Variants in TESK2 observed in about 807,000 individuals in gnomAD.
TESK2 encodes the protein testis associated actin remodelling kinase 2.
Under a neutral mutation model 57.1 loss-of-function variants are expected in TESK2, and 39 were observed. The ratio of observed to expected loss-of-function variants is 0.68; its 90% CI spans 0.53 to 0.89. The LOEUF (loss-of-function observed/expected upper bound fraction) is 0.89. Ranked by LOEUF, TESK2 falls within the 40% of genes least tolerant of loss-of-function variation. The probability of loss-of-function intolerance (pLI) is 0.00; values close to 1 mark genes in which losing one functional copy is unlikely to be tolerated. For missense variants in TESK2, 646 were observed against 732.1 expected, an observed-to-expected ratio of 0.88 and a Z score of 1.36; for synonymous variants, 249 against 267.9, an observed-to-expected ratio of 0.93 and a Z score of 0.69.
intron 2 of TESK2, among the ~76,000 whole-genome samples, chr1:45,435,319 G>C (rs1391094296): frequency 6.6e-6 from 1 of 152,040 alleles, no homozygotes; most frequent in Admixed American, 6.6e-5. Context: ...TGCAGAGACA[G>C]GGTTTCACCA....
chr1:45,475,209 C>CTTTTTTTTTTTTTTTT (rs375872140), intron 1 of TESK2, among the ~76,000 whole-genome samples: 17 of 113,162 alleles, frequency 1.5e-4, no homozygotes, highest in South Asian at 2.9e-4. Context: ...TTAGCCTGGC[C>CTTTTTTTTTTTTTTTT]TTTTTTTTTT....
intron 2 of TESK2, among the ~76,000 whole-genome samples, chr1:45,422,418 TAAAAG>T (rs751194519): frequency 2.6e-5 from 4 of 152,132 alleles, no homozygotes; most frequent in Non-Finnish European, 4.4e-5. Context: ...AAGAAATAAA[TAAAAG>T]AAATCATGTC....
At chr1:45,441,635 T>C (rs74803273) in intron 2 of TESK2, among the ~76,000 whole-genome samples, 1 of 150,930 alleles carries the variant, frequency 6.6e-6, no homozygotes, top group Non-Finnish European at 1.5e-5. Flanking sequence ...TTTTTTTTTT[T>C]TGAGACAGAG....
intron 4 of TESK2, among the ~76,000 whole-genome samples, chr1:45,381,491 TAA>T (rs1223491134): frequency 6.6e-6 from 1 of 152,082 alleles, no homozygotes; most frequent in Admixed American, 6.6e-5. Context: ...GGTATCATCT[TAA>T]AAAGGACAAG....
At chr1:45,387,104 A>T (rs949567692) in intron 3 of TESK2, among the ~76,000 whole-genome samples, 1 of 152,180 alleles carries the variant, frequency 6.6e-6, no homozygotes, top group Non-Finnish European at 1.5e-5. Context: ...TAAATTTACC[A>T]TGAAGTATCT....
Position 45,457,693 on chromosome 1 carries a change from A to G in TESK2, c.93T>C (p.Asn31=), listed in dbSNP as rs1652164700. Residue 31 remains asparagine, a synonymous_variant, in exon 2 of 11, where the codon AAT becomes AAC. Transcript: ENST00000372086. The stretch of plus-strand genomic sequence containing the variant: ...GCCAAACTCTTCCCACCTGGCTCAC[A>G]TTTCCTTCTCCTCCACCACCTCCTT... The part of the protein sequence containing the change: ...EFEGGGGGEG[N]VSQVGRVWPS... The G allele has an allele frequency of 6.2e-7, 1 of 1,613,980 alleles. No individual in the cohort carries two copies. Among genetic ancestry groups the G allele is most frequent in the Admixed American group, 1.7e-5 (1 of 59,982 alleles).
At chr1:45,438,949 C>T (rs1651334921) in intron 2 of TESK2, among the ~76,000 whole-genome samples, 1 of 152,122 alleles carries the variant, frequency 6.6e-6, no homozygotes, top group South Asian at 2.1e-4. Flanking sequence ...ACTCTCTAGA[C>T]AATTTCATAA....
intron 4 of TESK2, among the ~76,000 whole-genome samples, chr1:45,371,535 A>G (rs1648179335): frequency 6.6e-6 from 1 of 152,238 alleles, no homozygotes. Flanking sequence ...GATTCCACTT[A>G]TATGAGGTAT....
intron 4 of TESK2, among the ~76,000 whole-genome samples, chr1:45,376,258 C>CCCAGGATA (rs1246419301): frequency 7.0e-5 from 10 of 141,990 alleles, no homozygotes; most frequent in Admixed American, 6.9e-4. Context: ...CACTCTGTCA[C>CCCAGGATA]CCAGGATAGA....
chr1:45,345,596 A>C, intron 10 of TESK2, 38 bp from the exon 11 acceptor site: 1 of 1,543,486 alleles, frequency 6.5e-7, no homozygotes, highest in South Asian at 1.2e-5. Context: ...CTCACTAGTC[A>C]TAACAAATAC....
intron 3 of TESK2, chr1:45,413,854 G>A (rs930480981): frequency 2.2e-6 from 1 of 455,778 alleles, no homozygotes; most frequent in African/African-American, 2.0e-5. Flanking sequence ...GAAAAATTCT[G>A]GTTCATACTT....
intron 3 of TESK2, among the ~76,000 whole-genome samples, chr1:45,394,061 T>C (rs919639834): frequency 5.3e-5 from 8 of 152,142 alleles, no homozygotes; most frequent in Non-Finnish European, 8.8e-5. Flanking sequence ...GCTTTCTTAA[T>C]GCATGTGCTT....
chr1:45,345,947 C>T lies in TESK2; in HGVS notation c.927G>A (p.Leu309=). Residue 309 remains leucine (L), a synonymous_variant, in exon 10 of 11, where the codon CTG becomes CTA. Transcript: ENST00000372086. ...RPSFVEIGKT[L]EEILSRLQEE... ...CCTGTAGGCGGCTCAGAATTTCCTC[C>T]AGGGTCTTCCCAATCTCCACAAAAG... 1.9e-6 allele frequency: 3 copies of T among 1,614,168 alleles called. No homozygotes were observed. The highest frequency in any genetic ancestry group is 2.5e-6 in the Non-Finnish European group (3 of 1,180,024).
At position 45,419,621 on chromosome 1, in the gene TESK2, C is replaced by T. The variant is rs187675076; in HGVS notation, c.344+2104G>A. On this transcript the variant is annotated intron_variant, in intron 3 of 10. Coordinates refer to ENST00000372086, the MANE Select transcript of TESK2 (RefSeq NM_007170.3). ...AGGAGTTCAAGACAAGCCTGGCCAACGTGGTAAAACCCCGTCTCTACTAAA... is the reference window on the plus strand; with the variant it reads ...AGGAGTTCAAGACAAGCCTGGCCAATGTGGTAAAACCCCGTCTCTACTAAA... Among the ~76,000 whole-genome samples, 70 of 152,046 alleles carry T rather than the reference C, an allele frequency of 4.6e-4. 1 individual carries two copies. The highest frequency in any genetic ancestry group is 1.4e-3 in the African/African-American group (60 of 41,496).
At chr1:45,418,085 C>T (rs1650322969) in intron 3 of TESK2, among the ~76,000 whole-genome samples, 1 of 152,034 alleles carries the variant, frequency 6.6e-6, no homozygotes, top group Admixed American at 6.6e-5. Context: ...AGGAAAGATG[C>T]CAAAATGCTA....
At chr1:45,434,548 T>C (rs560727929) in intron 2 of TESK2, among the ~76,000 whole-genome samples, 2 of 152,230 alleles carry the variant, frequency 1.3e-5, no homozygotes, top group Admixed American at 6.5e-5. Context: ...TTGTATTGAT[T>C]TGCATTTCCC....
intron 3 of TESK2, among the ~76,000 whole-genome samples, chr1:45,404,774 C>A (rs1317145034): frequency 6.6e-6 from 1 of 152,112 alleles, no homozygotes; most frequent in South Asian, 2.1e-4. Flanking sequence ...AATACCTGAA[C>A]TTAGGTGATC....
At chr1:45,367,624 C>T (rs1305959598) in intron 4 of TESK2, among the ~76,000 whole-genome samples, 1 of 151,490 alleles carries the variant, frequency 6.6e-6, no homozygotes, top group African/African-American at 2.4e-5. Flanking sequence ...GTAGGGATTA[C>T]AGGCGTGAGC....
intron 4 of TESK2, among the ~76,000 whole-genome samples, chr1:45,357,229 A>G (rs1182064557): frequency 2.0e-5 from 3 of 151,446 alleles, no homozygotes; most frequent in Admixed American, 6.6e-5. Context: ...AAATAAATAA[A>G]TAAATAAATA....
Sources: gnomAD v4.1 joint callset for allele counts (sites outside exome capture counted in the v4.1 genomes callset) on GRCh38, gnomAD v4.1.1 for gene constraint, MANE v1.5 for transcripts, NCBI Gene and HGNC (gene_info 2026-07-23, HGNC 2026-07-21) for gene names.